FER1L6: variants seen among roughly 807,000 people sequenced by gnomAD.
FER1L6 encodes fer-1-like protein 6.
Under a neutral mutation model 219.2 loss-of-function variants are expected in FER1L6, and 177 were observed. The ratio of observed to expected loss-of-function variants is 0.81; its 90% CI spans 0.71 to 0.91. FER1L6 has a LOEUF of 0.91. Among genes scored for constraint, FER1L6 ranks in the 40% least tolerant of loss-of-function variants. The probability of loss-of-function intolerance (pLI) is 0.00; values close to 1 mark genes in which losing one functional copy is unlikely to be tolerated. For missense variants in FER1L6, 2,153 were observed against 2,259.9 expected (o/e 0.95, Z 0.96); for synonymous variants, 768 against 824.3 (o/e 0.93, Z 1.17).
At chr8:124,053,120 CTGTCCTAA>C (rs1352045357) in intron 22 of FER1L6, among the ~76,000 whole-genome samples, 3 of 152,150 alleles carry the variant, frequency 2.0e-5, no homozygotes, top group Admixed American at 2.0e-4. Context: ...CTACACAATG[CTGTCCTAA>C]TAAGTGCTCT....
In FER1L6 at chr8:124,004,589, A is replaced by C. The variant is rs564766596; in HGVS notation, c.1700+1242A>C. On this transcript the variant is annotated intron_variant, in intron 13 of 40. Coordinates refer to ENST00000522917, the MANE Select transcript of FER1L6 (RefSeq NM_001039112.2). ...AGCAGATCTAAGCACTTCTGCTTGG[A>C]TGTCCCACAGATTACTCACCAGGCT... Among the ~76,000 whole-genome samples the C allele has an allele frequency of 4.6e-5, 7 of 152,092 alleles. No individual in the cohort carries two copies. The East Asian group carries it at 1.4e-3, about 29-fold the overall frequency.
chr8:123,971,375 G>C (rs1334953348), intron 6 of FER1L6, among the ~76,000 whole-genome samples: 2 of 152,154 alleles, frequency 1.3e-5, no homozygotes, highest in African/African-American at 4.8e-5. Context: ...TCAGGACCTG[G>C]GACAATGCCC....
chr8:124,086,293 T>C (rs1586315385), intron 33 of FER1L6, among the ~76,000 whole-genome samples: 1 of 152,250 alleles, frequency 6.6e-6, no homozygotes, highest in African/African-American at 2.4e-5. Context: ...GTCTTCCTTT[T>C]AGTGAAGGTG....
At chr8:124,107,683 A>C (rs1822838056) in intron 39 of FER1L6, among the ~76,000 whole-genome samples, 1 of 152,170 alleles carries the variant, frequency 6.6e-6, no homozygotes, top group South Asian at 2.1e-4. Context: ...TTTTGTAATG[A>C]CTGGGCCTTA....
chr8:124,046,739 C>T (rs901510261), intron 21 of FER1L6: 1 of 152,208 alleles, frequency 6.6e-6, no homozygotes, highest in Non-Finnish European at 1.5e-5. Context: ...AGAAGGGGAG[C>T]GGAGACCTTG....
chr8:123,930,381 A>G (rs762528719), intron 1 of FER1L6, among the ~76,000 whole-genome samples: 3 of 151,894 alleles, frequency 2.0e-5, no homozygotes, highest in Non-Finnish European at 4.4e-5. Flanking sequence ...CTTGGTGCCT[A>G]TAAAGATACT....
At chr8:123,955,013 C>G (rs1814953151) in intron 1 of FER1L6, among the ~76,000 whole-genome samples, 1 of 152,198 alleles carries the variant, frequency 6.6e-6, no homozygotes, top group South Asian at 2.1e-4. Context: ...CTGTTCTCAG[C>G]AGTCCCCCAG....
intron 32 of FER1L6, among the ~76,000 whole-genome samples, chr8:124,081,155 C>A (rs751999331): frequency 6.6e-6 from 1 of 152,112 alleles, no homozygotes; most frequent in Admixed American, 6.5e-5. Context: ...CCTTCCTCCC[C>A]CTCCTCTTTG....
intron 1 of FER1L6, among the ~76,000 whole-genome samples, chr8:123,859,618 G>T: frequency 7.2e-6 from 1 of 139,202 alleles, no homozygotes; most frequent in Admixed American, 7.3e-5. Flanking sequence ...AGTTACATAT[G>T]TATACATGTA....
At chr8:124,103,931 T>A (rs1022853065) in intron 39 of FER1L6, among the ~76,000 whole-genome samples, 2 of 152,180 alleles carry the variant, frequency 1.3e-5, no homozygotes, top group Admixed American at 6.5e-5. Flanking sequence ...TTGGGATGAG[T>A]GCATTCTGCC....
At chr8:124,113,951 C>T (rs1431629523) in intron 39 of FER1L6, among the ~76,000 whole-genome samples, 3 of 152,190 alleles carry the variant, frequency 2.0e-5, no homozygotes, top group South Asian at 2.1e-4. Context: ...TGTAAAGGCA[C>T]ATTTTCCCCT....
At chr8:123,978,226 T>C (rs1006530007) in intron 10 of FER1L6, among the ~76,000 whole-genome samples, 1 of 152,204 alleles carries the variant, frequency 6.6e-6, no homozygotes, top group South Asian at 2.1e-4. Flanking sequence ...CAGAGATTGG[T>C]AAACTAAGGT....
chr8:124,025,580 G>T (rs1420703583), intron 18 of FER1L6, among the ~76,000 whole-genome samples: 1 of 152,094 alleles, frequency 6.6e-6, no homozygotes, highest in Non-Finnish European at 1.5e-5. Flanking sequence ...GGTGACTATA[G>T]CCTTGTATAA....
intron 39 of FER1L6, among the ~76,000 whole-genome samples, chr8:124,109,596 G>A (rs10107268): frequency 0.031 from 4,655 of 152,232 alleles, 224 homozygotes; most frequent in African/African-American, 0.1. Flanking sequence ...CTTAACTCCT[G>A]TATCACTTTC....
intron 5 of FER1L6, among the ~76,000 whole-genome samples, chr8:123,969,553 T>C (rs543856124): frequency 3.9e-5 from 6 of 152,226 alleles, no homozygotes; most frequent in Non-Finnish European, 8.8e-5. Context: ...TCAAAAGTTA[T>C]ATGCACTTAA....
chr8:123,950,299 C>T (rs1483641487), intron 1 of FER1L6, among the ~76,000 whole-genome samples: 2 of 152,164 alleles, frequency 1.3e-5, no homozygotes, highest in South Asian at 2.1e-4. Flanking sequence ...GGCCAGTGAC[C>T]TCAGGCTGAA....
At chr8:124,008,310 A>G (rs949797670) in intron 13 of FER1L6, among the ~76,000 whole-genome samples, 1 of 152,218 alleles carries the variant, frequency 6.6e-6, no homozygotes, top group Non-Finnish European at 1.5e-5. Context: ...CCCATCATAT[A>G]TACGCACACA....
intron 1 of FER1L6, among the ~76,000 whole-genome samples, chr8:123,881,153 T>A (rs1817102226): frequency 6.6e-6 from 1 of 152,244 alleles, no homozygotes; most frequent in Non-Finnish European, 1.5e-5. Flanking sequence ...ATAAATAATA[T>A]CTTTTCCTCA....
chr8:124,010,499 G>A (rs1817872364), intron 13 of FER1L6, 95 bp from the exon 14 acceptor site: 1 of 1,466,554 alleles, frequency 6.8e-7, no homozygotes, highest in Non-Finnish European at 9.3e-7. Context: ...TGCCTCCCGA[G>A]TCCTGCCCAG....
Sources: gnomAD v4.1 joint callset for allele counts (sites outside exome capture counted in the v4.1 genomes callset) on GRCh38, gnomAD v4.1.1 for gene constraint, MANE v1.5 for transcripts, NCBI Gene and HGNC (gene_info 2026-07-23, HGNC 2026-07-21) for gene names.